Variants in DPP6 observed in about 807,000 individuals in gnomAD.
DPP6 encodes A-type potassium channel modulatory protein DPP6.
Under a neutral mutation model 122.6 loss-of-function variants are expected in DPP6, and 69 were observed. The observed-to-expected ratio is 0.56, with a 90% confidence interval of 0.46 to 0.69. The LOEUF is 0.69. DPP6 is among the 30% of genes least tolerant of loss of function. DPP6 has a pLI of 0.00. For synonymous variants in DPP6, 418 were observed against 433.1 expected (o/e 0.97, Z 0.43); for missense variants, 928 against 1,116.9 (o/e 0.83, Z 2.41).
chr7:154,430,078 G>A (rs537465060), intron 1 of DPP6, among the ~76,000 whole-genome samples: 6 of 152,070 alleles, frequency 3.9e-5, no homozygotes, highest in Non-Finnish European at 7.4e-5. Flanking sequence ...TCTTCTAGGG[G>A]CCGCTGTCAG....
chr7:154,146,449 A>G (rs1331882138), intron 1 of DPP6, among the ~76,000 whole-genome samples: 1 of 151,122 alleles, frequency 6.6e-6, no homozygotes, highest in African/African-American at 2.4e-5. Context: ...TTAGCTGGAG[A>G]TTCTTACATA....
At chr7:154,653,097 G>A (rs1836987191) in intron 6 of DPP6, among the ~76,000 whole-genome samples, 1 of 152,114 alleles carries the variant, frequency 6.6e-6, no homozygotes, top group Non-Finnish European at 1.5e-5. Flanking sequence ...AACATTTTTT[G>A]TTCTGTAATG....
In DPP6 at chr7:154,790,185, G is replaced by A. The variant is rs569222861; in HGVS notation, c.1137-3894G>A. 6.6e-5 allele frequency among the ~76,000 whole-genome samples: 10 copies of A among 152,286 alleles called. No individual in the cohort carries two copies. The South Asian group carries it at 1.2e-3, about 19-fold the overall frequency. On this transcript the variant is annotated intron_variant, in intron 10 of 25. Coordinates refer to ENST00000377770, the MANE Select transcript of DPP6 (RefSeq NM_130797.4). Reference sequence around the variant, plus strand: ...TGCACTCCAGCCTGGGCAACAGAGCGAGACTCCGTCTAAAAAACATAAAAA... The same window carrying A: ...TGCACTCCAGCCTGGGCAACAGAGCAAGACTCCGTCTAAAAAACATAAAAA...
At chr7:154,793,903 C>A in intron 10 of DPP6, 176 bp from the exon 11 acceptor site, 1 of 1,023,972 alleles carries the variant, frequency 9.8e-7, no homozygotes, top group Non-Finnish European at 1.4e-6. Flanking sequence ...CCTCAGAGTC[C>A]CGCGCCAGTG....
chr7:154,489,125 C>G (rs1249202961), intron 3 of DPP6, among the ~76,000 whole-genome samples: 1 of 152,136 alleles, frequency 6.6e-6, no homozygotes, highest in Admixed American at 6.5e-5. Flanking sequence ...CCCTTTTTCT[C>G]TTGTTTATGG....
rs1296104408 is a variant in DPP6, at chr7:154,397,616, C to CACTTCATGCTGTTAAT, written c.244-48582_244-48567dup. ...ATATGCCTCCACTTCATGCTGTTAA[C>CACTTCATGCTGTTAAT]ACTTCATGCTGTTAATACTTCATGC... On this transcript the variant is annotated intron_variant, in intron 1 of 25. Transcript: ENST00000377770. 2.0e-5 allele frequency among the ~76,000 whole-genome samples: 3 copies of CACTTCATGCTGTTAAT among 152,272 alleles called. No homozygotes were observed. The East Asian group carries it at 5.8e-4, about 29-fold the overall frequency.
At chr7:154,003,408 T>C (rs1797772060) in intron 1 of DPP6, among the ~76,000 whole-genome samples, 1 of 152,204 alleles carries the variant, frequency 6.6e-6, no homozygotes, top group Admixed American at 6.5e-5. Flanking sequence ...CAGTATTATA[T>C]CAGTTTAGCC....
rs150135923 is a variant in DPP6 at position 154,760,390 on chromosome 7, A to C, written c.884-9027A>C. ...TTCAGTCCATGACATCAGCAAGCTC[A>C]TTCTGCACAGACCCCAGTTGACCAA... is the stretch of plus-strand genomic sequence containing the variant. On this transcript the variant is annotated intron_variant, in intron 8 of 25. Transcript: ENST00000377770. The surrounding 1 kb of genome is among the most constrained non-coding windows in gnomAD (Gnocchi z 4.5). Among the ~76,000 whole-genome samples the C allele has an allele frequency of 1.3e-5, 2 of 152,068 alleles. No homozygotes were observed. Among genetic ancestry groups the C allele is most frequent in the East Asian group, 1.9e-4 (1 of 5,160 alleles).
At chr7:154,615,336 A>G (rs1834170489) in intron 5 of DPP6, among the ~76,000 whole-genome samples, 1 of 152,086 alleles carries the variant, frequency 6.6e-6, no homozygotes, top group African/African-American at 2.4e-5. Context: ...GAGCCCATGA[A>G]CTCATGCTTC....
the DPP6 span, among the ~76,000 whole-genome samples, chr7:153,844,430 T>G: frequency 6.6e-6 from 1 of 152,168 alleles, no homozygotes; most frequent in African/African-American, 2.4e-5. Flanking sequence ...TCCCAAAGAT[T>G]TTACCCATTG....
At chr7:154,743,371 C>T (rs1172570252) in intron 8 of DPP6, among the ~76,000 whole-genome samples, 1 of 152,166 alleles carries the variant, frequency 6.6e-6, no homozygotes, top group African/African-American at 2.4e-5. Context: ...TGAGCCTGTG[C>T]TGCCTCTGAT....
intron 10 of DPP6, 200 bp from the exon 11 acceptor site, chr7:154,793,879 A>G (rs1418800631): frequency 1.4e-6 from 1 of 732,440 alleles, no homozygotes; most frequent in Non-Finnish European, 2.1e-6. Flanking sequence ...GCAAGAGGTA[A>G]TGACTGGGCG....
At chr7:154,574,895 A>C (rs1469850403) in intron 5 of DPP6, among the ~76,000 whole-genome samples, 4 of 83,418 alleles carry the variant, frequency 4.8e-5, no homozygotes, top group Non-Finnish European at 9.4e-5. Context: ...TGGTGTGTGT[A>C]TATGTGTGGT....
chr7:154,243,409 C>T (rs1424036044), intron 1 of DPP6, among the ~76,000 whole-genome samples: 1 of 151,932 alleles, frequency 6.6e-6, no homozygotes, highest in Non-Finnish European at 1.5e-5. Flanking sequence ...AATGAGTAAA[C>T]AGAGGGAAAG....
intron 8 of DPP6, among the ~76,000 whole-genome samples, chr7:154,759,522 T>C (rs1304655339): frequency 6.6e-6 from 1 of 152,226 alleles, no homozygotes; most frequent in Non-Finnish European, 1.5e-5. Context: ...GTGCGGTCTT[T>C]CCTTCCGCTT....
At chr7:154,851,164 A>T (rs1159272079) in intron 16 of DPP6, among the ~76,000 whole-genome samples, 1 of 152,216 alleles carries the variant, frequency 6.6e-6, no homozygotes, top group Non-Finnish European at 1.5e-5. Context: ...ATGAATTAAA[A>T]GATTAAAAGC....
At chr7:154,024,579 A>G (rs1312074529) in intron 1 of DPP6, among the ~76,000 whole-genome samples, 1 of 152,134 alleles carries the variant, frequency 6.6e-6, no homozygotes, top group Non-Finnish European at 1.5e-5. Context: ...AGCACGTTGA[A>G]TTGGAAGTCA....
chr7:154,723,753 A>G (rs1287572625), intron 7 of DPP6, among the ~76,000 whole-genome samples: 3 of 152,176 alleles, frequency 2.0e-5, no homozygotes, highest in African/African-American at 2.4e-5. Context: ...TATGCAAAAT[A>G]CCTTCCCTCC....
intron 1 of DPP6, among the ~76,000 whole-genome samples, chr7:154,421,018 TA>T (rs888637005): frequency 4.6e-5 from 7 of 151,670 alleles, no homozygotes; most frequent in Non-Finnish European, 8.8e-5. Context: ...AGGCAAAGTT[TA>T]AAAAAAAATG....
Sources: gnomAD v4.1 joint callset for allele counts (sites outside exome capture counted in the v4.1 genomes callset) on GRCh38, gnomAD v4.1.1 for gene constraint, Gnocchi (gnomAD v3.1) non-coding constraint, MANE v1.5 for transcripts, NCBI Gene and HGNC (gene_info 2026-07-23, HGNC 2026-07-21) for gene names.